Variants in RBFOX1 observed in about 807,000 individuals in gnomAD.
RBFOX1 encodes RNA binding protein fox-1 homolog 1.
A neutral mutation model predicts 57.7 loss-of-function variants in RBFOX1; 8 were observed. That is an observed-to-expected ratio of 0.14 (90% CI 0.08 to 0.25). RBFOX1 has a LOEUF of 0.25. RBFOX1 is among the 10% of genes least tolerant of loss of function. The pLI, the probability that RBFOX1 is intolerant of heterozygous loss-of-function variation, is 1.00. For missense variants in RBFOX1, 611 were observed against 548.5 expected (o/e 1.11, Z -1.14); for synonymous variants, 326 against 222.4 (o/e 1.47, Z -4.15).
intron 1 of RBFOX1, among the ~76,000 whole-genome samples, chr16:6,216,827 G>A (rs1429672352): frequency 1.3e-5 from 2 of 151,672 alleles, no homozygotes; most frequent in Admixed American, 6.6e-5. Flanking sequence ...TTAAAATGCA[G>A]CTTCACTTGA....
intron 4 of RBFOX1, among the ~76,000 whole-genome samples, chr16:7,148,472 C>G (rs936414330): frequency 1.3e-5 from 2 of 152,208 alleles, no homozygotes; most frequent in African/African-American, 2.4e-5. Context: ...TACATCTCAA[C>G]TTCGGATCTT....
At chr16:5,243,777 G>A (rs2062228155) in intron 1 of RBFOX1, among the ~76,000 whole-genome samples, 1 of 152,068 alleles carries the variant, frequency 6.6e-6, no homozygotes, top group Admixed American at 6.6e-5. Context: ...ACTACTGCAG[G>A]GGACTCAGTT....
intron 1 of RBFOX1, among the ~76,000 whole-genome samples, chr16:6,052,724 C>T (rs1020936031): frequency 5.9e-5 from 9 of 151,722 alleles, no homozygotes; most frequent in African/African-American, 1.4e-4. Flanking sequence ...GCGGAGCTTG[C>T]AGTGAGCCGA....
chr16:6,856,743 G>A (rs571827185), intron 3 of RBFOX1, among the ~76,000 whole-genome samples: 1 of 152,092 alleles, frequency 6.6e-6, no homozygotes, highest in Non-Finnish European at 1.5e-5. Context: ...AGGCAATAAT[G>A]ATGATCCATT....
rs753846493 is a variant in RBFOX1 at position 5,657,735 on chromosome 16, T to TC, written c.318+58774_318+58775insC. Among the ~76,000 whole-genome samples, 1,700 of 125,118 alleles carry TC rather than the reference T, an allele frequency of 0.014. 136 individuals are homozygous for TC. In the East Asian group the frequency reaches 0.2, roughly 14 times the overall value. 82.1% of individuals were successfully genotyped at this position (125,118 alleles called of 152,430 possible). On this transcript the variant is annotated intron_variant, in intron 3 of 19. Transcript: ENST00000641259. ...CTCTCTTTCTTTTGTTTCTTTTCTT[T>TC]TCTTTTTTTTTTTTTGAGACAGAAT... is the stretch of plus-strand genomic sequence containing the variant.
chr16:6,183,971 GA>G (rs1184411504), intron 1 of RBFOX1, among the ~76,000 whole-genome samples: 2 of 152,168 alleles, frequency 1.3e-5, no homozygotes, highest in African/African-American at 4.8e-5. Flanking sequence ...CATTTATAAA[GA>G]AAAAAGTGGT....
intron 2 of RBFOX1, among the ~76,000 whole-genome samples, chr16:6,525,373 C>A (rs1289129736): frequency 6.6e-6 from 1 of 152,110 alleles, no homozygotes; most frequent in Non-Finnish European, 1.5e-5. Context: ...TTCTCCTGAG[C>A]AAGAGCGTGA....
At chr16:5,872,578 A>T (rs77868969) in intron 4 of RBFOX1, among the ~76,000 whole-genome samples, 2 of 149,932 alleles carry the variant, frequency 1.3e-5, no homozygotes, top group African/African-American at 4.9e-5. Context: ...CTACAGAAAG[A>T]AAAAAAAAAT....
chr16:7,710,525 G>A, intron 15 of RBFOX1, 98 bp from the exon 16 acceptor site: 1 of 1,576,738 alleles, frequency 6.3e-7, no homozygotes, highest in Non-Finnish European at 8.6e-7. Flanking sequence ...CATTTCGGTT[G>A]GTTTTGAGTG....
intron 3 of RBFOX1, among the ~76,000 whole-genome samples, chr16:6,680,294 T>TTTTTTTTTGTTTTTTTTG (rs60731674): frequency 9.7e-6 from 1 of 103,056 alleles, no homozygotes; most frequent in Non-Finnish European, 1.9e-5. Context: ...TTTTTTTTTT[T>TTTTTTTTTGTTTTTTTTG]ATTTGTCGCC....
rs533859112 is a variant in RBFOX1 at position 6,957,704 on chromosome 16, C to T, written c.-15-94353C>T. ...TTAACCTCAGGGGAAAGTAGCCCAG[C>T]AGGTCTCAGCGTCATTTTACCCAGC... On this transcript the variant is annotated intron_variant, in intron 3 of 15. Transcript: ENST00000550418. Among the ~76,000 whole-genome samples, 7 of 152,242 alleles carry T rather than the reference C, an allele frequency of 4.6e-5. No individual in the cohort carries two copies. In the South Asian group the frequency reaches 8.3e-4, roughly 18 times the overall value.
Position 7,434,006 on chromosome 16 carries a change from A to C in RBFOX1, c.28-84141A>C, listed in dbSNP as rs76700410. Reference sequence around the variant, plus strand: ...TGAGAACGATGAGAGGGAACAGTTAATACTATTGGAAACTGCTCTTGGAGG... The same window carrying C: ...TGAGAACGATGAGAGGGAACAGTTACTACTATTGGAAACTGCTCTTGGAGG... On this transcript the variant is annotated intron_variant, in intron 4 of 15. Transcript: ENST00000550418. 3.9e-5 allele frequency among the ~76,000 whole-genome samples: 6 copies of C among 152,312 alleles called. No homozygotes were observed. The East Asian group carries it at 9.7e-4, about 25-fold the overall frequency.
chr16:5,944,979 A>AAAAC lies in RBFOX1; in HGVS notation c.351+77647_351+77648insCAAA, dbSNP rs1555453204. Among the ~76,000 whole-genome samples, 165 of 134,558 alleles carry AAAAC rather than the reference A, an allele frequency of 1.2e-3. 2 individuals are homozygous for AAAAC. Among genetic ancestry groups the AAAAC allele is most frequent in the African/African-American group, 4.5e-3 (158 of 34,908 alleles). 88.3% of individuals were successfully genotyped at this position (134,558 alleles called of 152,430 possible). A position where few individuals can be genotyped will look rare whatever the true frequency, so the allele number is the denominator to read the frequency against. On this transcript the variant is annotated intron_variant, in intron 4 of 19. Transcript: ENST00000641259. ...GACTCTGTCATAAAAAAAAAAAAAA[A>AAAAC]AAAAAAAAAGAGAGAGAGAGAGAGA... is the stretch of plus-strand genomic sequence containing the variant.
chr16:6,549,576 A>AGGAG (rs1567644523), intron 2 of RBFOX1, among the ~76,000 whole-genome samples: 18 of 146,470 alleles, frequency 1.2e-4, no homozygotes, highest in African/African-American at 3.8e-4. Flanking sequence ...GAAGGGAGGA[A>AGGAG]GGAGGAGGAA....
chr16:6,687,355 A>G (rs2059588452), intron 3 of RBFOX1, among the ~76,000 whole-genome samples: 1 of 152,180 alleles, frequency 6.6e-6, no homozygotes, highest in African/African-American at 2.4e-5. Context: ...TACTTGCGTG[A>G]CAGGTTTACC....
intron 3 of RBFOX1, among the ~76,000 whole-genome samples, chr16:6,832,002 C>T (rs563016366): frequency 6.6e-6 from 1 of 152,188 alleles, no homozygotes; most frequent in Non-Finnish European, 1.5e-5. Context: ...AATGGTATCA[C>T]TAATTAAATA....
chr16:7,696,087 ATCTGGTCTGCTT>A (rs1156595917), intron 14 of RBFOX1, among the ~76,000 whole-genome samples: 1 of 152,214 alleles, frequency 6.6e-6, no homozygotes, highest in Non-Finnish European at 1.5e-5. Flanking sequence ...GTGCCAACAC[ATCTGGTCTGCTT>A]TTTCTAGCCA....
At chr16:6,146,514 G>C (rs941283486) in intron 1 of RBFOX1, among the ~76,000 whole-genome samples, 1 of 152,118 alleles carries the variant, frequency 6.6e-6, no homozygotes, top group Non-Finnish European at 1.5e-5. Context: ...CAACCAAAGA[G>C]TGCCTTGGCT....
intron 3 of RBFOX1, among the ~76,000 whole-genome samples, chr16:5,629,809 G>A (rs982250149): frequency 3.9e-5 from 6 of 152,330 alleles, no homozygotes; most frequent in Admixed American, 3.3e-4. Context: ...ATGGCTAAGA[G>A]GGTAGGTTTG....
Sources: allele counts gnomAD v4.1 joint callset (sites outside exome capture counted in the v4.1 genomes callset), GRCh38; gene constraint gnomAD v4.1.1; transcripts MANE v1.5; gene names NCBI Gene and HGNC (gene_info 2026-07-23, HGNC 2026-07-21).